NRXN1: variants seen among roughly 807,000 people sequenced by gnomAD.
NRXN1 encodes the protein neurexin-1.
A neutral mutation model predicts 150.9 loss-of-function variants in NRXN1; 39 were observed. That is an observed-to-expected ratio of 0.26 (90% CI 0.20 to 0.34). The LOEUF is 0.34. Among genes scored for constraint, NRXN1 ranks in the 10% least tolerant of loss-of-function variants. The probability of loss-of-function intolerance (pLI) is 1.00; values close to 1 mark genes in which losing one functional copy is unlikely to be tolerated. For missense variants in NRXN1, 1,815 were observed against 1,949.9 expected (o/e 0.93, Z 1.30); for synonymous variants, 924 against 757.0 (o/e 1.22, Z -3.62).
At chr2:50,370,231 T>C (rs2079916959) in intron 17 of NRXN1, among the ~76,000 whole-genome samples, 1 of 151,994 alleles carries the variant, frequency 6.6e-6, no homozygotes, top group Admixed American at 6.6e-5. Context: ...GAGTCTCCAT[T>C]TTGTCAGCAG....
In NRXN1 at chr2:50,391,913, A is replaced by G. The variant is rs548865617; in HGVS notation, c.3364+73529T>C. On this transcript the variant is annotated intron_variant, in intron 17 of 22. Transcript: ENST00000401669. ...GAGGGACCACTTCATTTAGTAATCT[A>G]TGTTTCCGACAATAAAAGAAATCTT... Among the ~76,000 whole-genome samples, 4 of 152,278 alleles carry G rather than the reference A, an allele frequency of 2.6e-5. No homozygotes were observed. The East Asian group carries it at 7.7e-4, about 29-fold the overall frequency.
At chr2:50,889,664 A>T (rs574260076) in intron 5 of NRXN1, among the ~76,000 whole-genome samples, 1 of 151,838 alleles carries the variant, frequency 6.6e-6, no homozygotes, top group Admixed American at 6.6e-5. Flanking sequence ...AATCCTTCTT[A>T]TTGGTAATAG....
intron 5 of NRXN1, among the ~76,000 whole-genome samples, chr2:50,789,455 G>T (rs1705628890): frequency 6.6e-6 from 1 of 152,224 alleles, no homozygotes; most frequent in Non-Finnish European, 1.5e-5. Context: ...TTTTGACAAT[G>T]AAATTAAAAT....
chr2:50,854,348 A>C (rs1299203395), intron 5 of NRXN1, among the ~76,000 whole-genome samples: 1 of 152,112 alleles, frequency 6.6e-6, no homozygotes, highest in African/African-American at 2.4e-5. Context: ...CCAATATCTA[A>C]GCATATCCAA....
chr2:50,654,808 G>C (rs541213236), intron 5 of NRXN1, among the ~76,000 whole-genome samples: 4 of 151,900 alleles, frequency 2.6e-5, no homozygotes, highest in Non-Finnish European at 5.9e-5. Context: ...TCATGTGTCT[G>C]TTGGCTGCAT....
chr2:50,391,661 A>G (rs1488788051), intron 17 of NRXN1, among the ~76,000 whole-genome samples: 4 of 152,254 alleles, frequency 2.6e-5, no homozygotes, highest in African/African-American at 7.2e-5. Context: ...CAATGTACTA[A>G]TAAGATAGGC....
At chr2:50,464,018 T>A (rs560171171) in intron 17 of NRXN1, 1 of 151,756 alleles carries the variant, frequency 6.6e-6, no homozygotes, top group African/African-American at 2.4e-5. Flanking sequence ...GTAATTTACC[T>A]ATACACACAT....
chr2:50,143,347 A>G (rs1401342840), intron 18 of NRXN1, among the ~76,000 whole-genome samples: 2 of 151,948 alleles, frequency 1.3e-5, no homozygotes, highest in Non-Finnish European at 2.9e-5. Flanking sequence ...CAGAGGGAAC[A>G]ATTTAGGATA....
chr2:50,139,100 C>A (rs1706853548), intron 18 of NRXN1, among the ~76,000 whole-genome samples: 1 of 152,048 alleles, frequency 6.6e-6, no homozygotes, highest in Non-Finnish European at 1.5e-5. Context: ...CCAAGGTGGG[C>A]AGATCACCTG....
At chr2:50,710,714 G>C (rs547471503) in intron 5 of NRXN1, among the ~76,000 whole-genome samples, 10 of 150,876 alleles carry the variant, frequency 6.6e-5, no homozygotes, top group African/African-American at 1.9e-4. Flanking sequence ...TCAATTATTT[G>C]CTGGTAAGTG....
intron 8 of NRXN1, among the ~76,000 whole-genome samples, chr2:50,578,043 C>T (rs1445414099): frequency 2.0e-5 from 3 of 152,172 alleles, no homozygotes; most frequent in Middle Eastern, 3.4e-3. Context: ...TATTTTCCTA[C>T]TATAATGTTA....
At chr2:50,174,537 A>G (rs990250465) in intron 18 of NRXN1, 1 of 152,184 alleles carries the variant, frequency 6.6e-6, no homozygotes, top group Non-Finnish European at 1.5e-5. Context: ...CCACTATACT[A>G]GTTACATTCA....
At position 49,944,891 on chromosome 2, in the gene NRXN1, C is replaced by T. The variant is rs982866687; in HGVS notation, c.4129-1100G>A. On this transcript the variant is annotated intron_variant, in intron 21 of 22. Transcript: ENST00000401669. ...TTACTTCAAAGAAAAAGCAAAAATA[C>T]GATATGAGCACCTAATATTAAAGGA... is the stretch of plus-strand genomic sequence containing the variant. Among the ~76,000 whole-genome samples the T allele has an allele frequency of 9.2e-5, 14 of 151,982 alleles. No individual in the cohort carries two copies. The South Asian group carries it at 1.9e-3, about 20-fold the overall frequency.
intron 5 of NRXN1, among the ~76,000 whole-genome samples, chr2:50,901,621 A>G (rs1682967935): frequency 6.6e-6 from 1 of 152,186 alleles, no homozygotes; most frequent in South Asian, 2.1e-4. Context: ...ACAAAGTTAT[A>G]TACAAGCAAG....
At chr2:50,902,409 T>C (rs1014114243) in intron 5 of NRXN1, among the ~76,000 whole-genome samples, 1 of 151,998 alleles carries the variant, frequency 6.6e-6, no homozygotes, top group Non-Finnish European at 1.5e-5. Flanking sequence ...GTCATAAATA[T>C]TAATGTACTA....
intron 5 of NRXN1, among the ~76,000 whole-genome samples, chr2:50,831,370 T>C (rs1671382401): frequency 6.6e-6 from 1 of 152,208 alleles, no homozygotes; most frequent in South Asian, 2.1e-4. Context: ...AGTAAAATAA[T>C]TGGGAAATTT....
At chr2:50,843,384 C>G (rs1266525096) in intron 5 of NRXN1, among the ~76,000 whole-genome samples, 6 of 151,878 alleles carry the variant, frequency 4.0e-5, no homozygotes, top group African/African-American at 1.5e-4. Flanking sequence ...TCTAGTTTTC[C>G]TGATAGAAAA....
intron 18 of NRXN1, among the ~76,000 whole-genome samples, chr2:50,134,176 C>G (rs895747139): frequency 6.7e-6 from 1 of 150,316 alleles, no homozygotes; most frequent in African/African-American, 2.5e-5. Flanking sequence ...TAGACATGCA[C>G]TGTGTGATCT....
At chr2:50,198,804 ACT>A (rs2152830960) in intron 18 of NRXN1, among the ~76,000 whole-genome samples, 1 of 152,102 alleles carries the variant, frequency 6.6e-6, no homozygotes, top group African/African-American at 2.4e-5. Flanking sequence ...GGTTTCTTGT[ACT>A]CTGCAAATTT....
Sources: allele counts gnomAD v4.1 joint callset (sites outside exome capture counted in the v4.1 genomes callset), GRCh38; gene constraint gnomAD v4.1.1; transcripts MANE v1.5; gene names NCBI Gene and HGNC (gene_info 2026-07-23, HGNC 2026-07-21).